Variants in CTNNA3 observed in about 807,000 individuals in gnomAD.
CTNNA3 encodes catenin alpha-3.
Under a neutral mutation model 95.7 loss-of-function variants are expected in CTNNA3, and 76 were observed. The observed-to-expected ratio is 0.79, with a 90% CI of 0.66 to 0.96. The LOEUF (loss-of-function observed/expected upper bound fraction) is 0.96, where lower values mean the gene tolerates loss of function less well. CTNNA3 is among the 40% of genes least tolerant of loss of function. The pLI, the probability that CTNNA3 is intolerant of heterozygous loss-of-function variation, is 0.00. For missense variants in CTNNA3, 1,191 were observed against 1,089.8 expected (o/e 1.09, Z -1.31); for synonymous variants, 431 against 374.4 (o/e 1.15, Z -1.74).
intron 12 of CTNNA3, among the ~76,000 whole-genome samples, chr10:66,331,454 C>T (rs868354358): frequency 6.8e-6 from 1 of 147,294 alleles, no homozygotes; most frequent in South Asian, 2.2e-4. Context: ...CCCGGGTTCA[C>T]GCCATTCTCC....
chr10:66,193,652 G>A (rs888980144), intron 13 of CTNNA3, among the ~76,000 whole-genome samples: 1 of 152,048 alleles, frequency 6.6e-6, no homozygotes, highest in African/African-American at 2.4e-5. Context: ...CCTTATAGAG[G>A]CTTCCCAAAA....
chr10:66,823,344 C>G (rs947244573), intron 7 of CTNNA3, among the ~76,000 whole-genome samples: 1 of 151,974 alleles, frequency 6.6e-6, no homozygotes, highest in Non-Finnish European at 1.5e-5. Context: ...ATGCAAAATC[C>G]TTTTGTTATT....
chr10:66,306,825 A>C (rs2091941302), intron 12 of CTNNA3, among the ~76,000 whole-genome samples: 1 of 152,238 alleles, frequency 6.6e-6, no homozygotes, highest in African/African-American at 2.4e-5. Flanking sequence ...ATACAAAAGT[A>C]CATCATGGAA....
chr10:66,066,548 A>G (rs1437494128), intron 15 of CTNNA3, among the ~76,000 whole-genome samples: 2 of 152,174 alleles, frequency 1.3e-5, no homozygotes, highest in Non-Finnish European at 2.9e-5. Flanking sequence ...TATGAAGAGG[A>G]ATAAGAAGAC....
At chr10:66,407,126 C>T (rs1223164577) in intron 11 of CTNNA3, among the ~76,000 whole-genome samples, 1 of 151,740 alleles carries the variant, frequency 6.6e-6, no homozygotes, top group Non-Finnish European at 1.5e-5. Context: ...TGGAAAACAC[C>T]CAATTAGCTT....
chr10:67,673,439 A>C (rs1386830508), intron 1 of CTNNA3, among the ~76,000 whole-genome samples: 1 of 151,804 alleles, frequency 6.6e-6, no homozygotes, highest in Non-Finnish European at 1.5e-5. Flanking sequence ...GTCTTGTGCC[A>C]GTTTTCAAAG....
chr10:67,493,842 G>T (rs945177844), intron 5 of CTNNA3, among the ~76,000 whole-genome samples: 10 of 152,118 alleles, frequency 6.6e-5, no homozygotes, highest in African/African-American at 2.4e-4. Flanking sequence ...CGCTGGATGG[G>T]GTATTGCTTT....
intron 5 of CTNNA3, among the ~76,000 whole-genome samples, chr10:67,469,465 G>A (rs982484082): frequency 4.6e-5 from 7 of 152,062 alleles, no homozygotes; most frequent in African/African-American, 1.7e-4. Flanking sequence ...CAGGGACATG[G>A]ATGAAGCTGG....
intron 12 of CTNNA3, among the ~76,000 whole-genome samples, chr10:66,297,999 AAC>A (rs1272468113): frequency 5.5e-4 from 84 of 152,328 alleles, no homozygotes; most frequent in Non-Finnish European, 1.0e-3. Flanking sequence ...TTTTCCCTAT[AAC>A]TAGACTCCAT....
At chr10:66,589,339 T>A (rs1843469055) in intron 10 of CTNNA3, among the ~76,000 whole-genome samples, 1 of 152,112 alleles carries the variant, frequency 6.6e-6, no homozygotes, top group Non-Finnish European at 1.5e-5. Flanking sequence ...AATTCTTCTA[T>A]TTCACTTTGA....
chr10:66,021,335 A>G (rs1005809903), intron 15 of CTNNA3, among the ~76,000 whole-genome samples: 1 of 152,180 alleles, frequency 6.6e-6, no homozygotes, highest in Admixed American at 6.5e-5. Flanking sequence ...AGAGCAATCC[A>G]CATCCTCATG....
At chr10:67,511,862 T>C (rs1356709255) in intron 5 of CTNNA3, among the ~76,000 whole-genome samples, 4 of 152,200 alleles carry the variant, frequency 2.6e-5, no homozygotes, top group Non-Finnish European at 4.4e-5. Context: ...AATTATTGCC[T>C]CAATTTCAGA....
At position 67,634,682 on chromosome 10, in the gene CTNNA3, T is replaced by C. The variant is rs201864584; in HGVS notation, c.99+12733A>G. On this transcript the variant is annotated intron_variant, in intron 2 of 17. Transcript: ENST00000433211. ...AAAAAAGCAGAGGTTGCAATCCTAG[T>C]TTCTGACAAAATAGACTTTAGAACA... is the stretch of plus-strand genomic sequence containing the variant. 5.3e-5 allele frequency among the ~76,000 whole-genome samples: 8 copies of C among 152,162 alleles called. No homozygotes were observed. In the East Asian group the frequency reaches 1.5e-3, roughly 29 times the overall value.
At chr10:67,308,391 G>A (rs1192476284) in intron 5 of CTNNA3, among the ~76,000 whole-genome samples, 1 of 152,128 alleles carries the variant, frequency 6.6e-6, no homozygotes, top group African/African-American at 2.4e-5. Context: ...CAGTTTCCCT[G>A]CACATGCTCT....
chr10:67,021,747 TA>T (rs1390596720), intron 7 of CTNNA3, among the ~76,000 whole-genome samples: 4 of 152,182 alleles, frequency 2.6e-5, no homozygotes, highest in African/African-American at 9.7e-5. Context: ...CTGGACTTCT[TA>T]AAATGTGCAC....
chr10:66,657,376 A>G (rs1480915242), intron 9 of CTNNA3, among the ~76,000 whole-genome samples: 1 of 152,118 alleles, frequency 6.6e-6, no homozygotes, highest in Non-Finnish European at 1.5e-5. Flanking sequence ...TCAATGTGGT[A>G]TTGTTTGTTT....
intron 1 of CTNNA3, among the ~76,000 whole-genome samples, chr10:67,743,610 C>T (rs1841356257): frequency 6.6e-6 from 1 of 151,388 alleles, no homozygotes; most frequent in African/African-American, 2.4e-5. Context: ...GATGCCCTCT[C>T]TCACTACTCC....
intron 12 of CTNNA3, among the ~76,000 whole-genome samples, chr10:66,308,478 A>G (rs941338190): frequency 6.6e-6 from 1 of 152,214 alleles, no homozygotes; most frequent in African/African-American, 2.4e-5. Context: ...AGTAAGGAAT[A>G]TAAATTTCTG....
intron 5 of CTNNA3, among the ~76,000 whole-genome samples, chr10:67,394,001 T>C (rs998212738): frequency 6.6e-6 from 1 of 152,140 alleles, no homozygotes; most frequent in Non-Finnish European, 1.5e-5. Flanking sequence ...CAAACTGAAG[T>C]TCTTGCTGGG....
Sources: gnomAD v4.1 joint callset for allele counts (sites outside exome capture counted in the v4.1 genomes callset) on GRCh38, gnomAD v4.1.1 for gene constraint, MANE v1.5 for transcripts, NCBI Gene and HGNC (gene_info 2026-07-23, HGNC 2026-07-21) for gene names.